Variants in PTPRK observed in about 807,000 individuals in gnomAD.
PTPRK encodes the protein receptor-type tyrosine-protein phosphatase kappa.
PTPRK carries 75 observed loss-of-function variants against 178.0 expected under a neutral mutation model. The ratio of observed to expected loss-of-function variants is 0.42; its 90% CI spans 0.35 to 0.51. The LOEUF (loss-of-function observed/expected upper bound fraction) is 0.51, where lower values mean the gene tolerates loss of function less well. Ranked by LOEUF, PTPRK falls within the 20% of genes least tolerant of loss-of-function variation. The pLI, the probability that PTPRK is intolerant of heterozygous loss-of-function variation, is 0.02. For missense variants in PTPRK, 1,441 were observed against 1,797.8 expected (o/e 0.80, Z 3.59); for synonymous variants, 637 against 620.6 (o/e 1.03, Z -0.39).
chr6:128,393,355 C>G (rs1390672657), intron 2 of PTPRK, among the ~76,000 whole-genome samples: 1 of 152,108 alleles, frequency 6.6e-6, no homozygotes, highest in African/African-American at 2.4e-5. Context: ...TTCCAAAGTG[C>G]TGGGATTACA....
At chr6:128,127,272 T>C (rs528080695) in intron 7 of PTPRK, among the ~76,000 whole-genome samples, 3 of 152,342 alleles carry the variant, frequency 2.0e-5, no homozygotes, top group East Asian at 1.9e-4. Context: ...TTTGCTATTA[T>C]AGGTCTTTTG....
chr6:127,996,728 C>T (rs1001473029), intron 17 of PTPRK, among the ~76,000 whole-genome samples, 173 bp downstream of exon 17: 1 of 152,116 alleles, frequency 6.6e-6, no homozygotes, highest in African/African-American at 2.4e-5. Context: ...GCCTTGGCCT[C>T]CCAAAGTGCT....
rs781253855 is a variant in PTPRK, at chr6:127,992,730, A to C, written c.2845-21T>G. ...TAGCCCTAAAATAAGAGAACAAATTAGTTATCATTTTACATCAATATCAGA... is the reference window on the plus strand; with the variant it reads ...TAGCCCTAAAATAAGAGAACAAATTCGTTATCATTTTACATCAATATCAGA... On this transcript the variant is annotated intron_variant, in intron 18 of 29. Coordinates refer to ENST00000368226, the MANE Select transcript of PTPRK (RefSeq NM_002844.4). The C allele has an allele frequency of 3.2e-6, 5 of 1,558,362 alleles. No homozygotes were observed. In the South Asian group the frequency reaches 6.1e-5, roughly 19 times the overall value.
chr6:128,377,542 T>C (rs922943694), intron 2 of PTPRK, among the ~76,000 whole-genome samples: 1 of 152,112 alleles, frequency 6.6e-6, no homozygotes, highest in African/African-American at 2.4e-5. Context: ...TAAATATATA[T>C]TTGTTAAATG....
At chr6:127,975,358 A>G (rs1293249564) in intron 27 of PTPRK, among the ~76,000 whole-genome samples, 1 of 152,194 alleles carries the variant, frequency 6.6e-6, no homozygotes, top group Non-Finnish European at 1.5e-5. Context: ...TAAGATATGC[A>G]TGAATATTAT....
chr6:128,420,036 T>G (rs1481547788), intron 1 of PTPRK, among the ~76,000 whole-genome samples: 1 of 152,218 alleles, frequency 6.6e-6, no homozygotes, highest in Non-Finnish European at 1.5e-5. Flanking sequence ...TAATCATGCG[T>G]AACACTGAAT....
At chr6:128,287,119 C>G (rs972021188) in intron 3 of PTPRK, among the ~76,000 whole-genome samples, 1 of 152,128 alleles carries the variant, frequency 6.6e-6, no homozygotes, top group African/African-American at 2.4e-5. Flanking sequence ...CAATGTCTCA[C>G]TGCCTCAGCT....
chr6:128,081,736 A>T (rs374040670), intron 10 of PTPRK, among the ~76,000 whole-genome samples: 1 of 152,034 alleles, frequency 6.6e-6, no homozygotes, highest in East Asian at 1.9e-4. Flanking sequence ...AAGAAAAAAC[A>T]TTATATAAAC....
Position 127,970,155 on chromosome 6 carries a change from C to T in PTPRK, c.*72G>A. ...TTAAAATCTTTCTGCACAAGTGTAA[C>T]AGGTACAACAGCTGCTGGCTCAATA... On this transcript the variant is annotated 3_prime_UTR_variant, in exon 30 of 30. Transcript: ENST00000368226. 1 of 1,238,550 alleles carries T rather than the reference C, an allele frequency of 8.1e-7. No individual in the cohort carries two copies. Among genetic ancestry groups the T allele is most frequent in the Non-Finnish European group, 1.2e-6 (1 of 865,946 alleles). The allele number at this position is 1,238,550 out of a possible 1,614,324, so 76.7% of individuals were successfully genotyped here. A position where few individuals can be genotyped will look rare whatever the true frequency, so the allele number is the denominator to read the frequency against.
At chr6:127,993,634 C>A (rs949720087) in intron 18 of PTPRK, among the ~76,000 whole-genome samples, 6 of 151,386 alleles carry the variant, frequency 4.0e-5, no homozygotes, top group African/African-American at 1.5e-4. Context: ...TACGTTATTG[C>A]AAATTTGGAA....
chr6:128,348,065 T>A (rs979929799), intron 2 of PTPRK, among the ~76,000 whole-genome samples: 14 of 152,032 alleles, frequency 9.2e-5, no homozygotes, highest in Non-Finnish European at 1.9e-4. Flanking sequence ...ATTGTAGCTT[T>A]GACACAACAC....
intron 15 of PTPRK, chr6:128,000,159 C>A: frequency 2.1e-6 from 2 of 966,566 alleles, no homozygotes; most frequent in Non-Finnish European, 2.5e-6. Flanking sequence ...AGAGAAAATA[C>A]ACTCTTAGGG....
At chr6:128,226,796 A>ATATATATATATG (rs1244431323) in intron 5 of PTPRK, among the ~76,000 whole-genome samples, 27 of 128,780 alleles carry the variant, frequency 2.1e-4, no homozygotes, top group African/African-American at 7.5e-4. Context: ...ATATATATAT[A>ATATATATATATG]TATTTCAATA....
chr6:128,000,623 G>T (rs1408377946), intron 15 of PTPRK, among the ~76,000 whole-genome samples: 1 of 151,960 alleles, frequency 6.6e-6, no homozygotes, highest in Non-Finnish European at 1.5e-5. Context: ...AAAGTCAATG[G>T]ATCTACTTCT....
At chr6:128,183,889 G>A (rs551364335) in intron 7 of PTPRK, among the ~76,000 whole-genome samples, 2 of 152,238 alleles carry the variant, frequency 1.3e-5, no homozygotes, top group African/African-American at 4.8e-5. Flanking sequence ...AAAGTGTAAG[G>A]AAAATCTCTC....
At chr6:128,337,975 A>G (rs1831174028) in intron 2 of PTPRK, among the ~76,000 whole-genome samples, 1 of 152,174 alleles carries the variant, frequency 6.6e-6, no homozygotes, top group Non-Finnish European at 1.5e-5. Flanking sequence ...AGAGGAGAAA[A>G]TGGGGAAGAT....
At chr6:128,042,775 A>C (rs1777412201) in intron 13 of PTPRK, among the ~76,000 whole-genome samples, 1 of 152,066 alleles carries the variant, frequency 6.6e-6, no homozygotes, top group Non-Finnish European at 1.5e-5. Context: ...CCCAACCAAG[A>C]ATTATCATGA....
chr6:128,113,352 C>T (rs1402025902), intron 7 of PTPRK, among the ~76,000 whole-genome samples: 1 of 149,968 alleles, frequency 6.7e-6, no homozygotes, highest in Non-Finnish European at 1.5e-5. Context: ...CTAATATAAG[C>T]ATGTATTATA....
chr6:128,066,735 T>TAAATAAATAAAA (rs1252962740), intron 12 of PTPRK, among the ~76,000 whole-genome samples: 2 of 147,506 alleles, frequency 1.4e-5, no homozygotes, highest in African/African-American at 5.2e-5. Flanking sequence ...AATAAATAAA[T>TAAATAAATAAAA]AAAAATAAGT....
Sources: gnomAD v4.1 joint callset for allele counts (sites outside exome capture counted in the v4.1 genomes callset) on GRCh38, gnomAD v4.1.1 for gene constraint, MANE v1.5 for transcripts, NCBI Gene and HGNC (gene_info 2026-07-23, HGNC 2026-07-21) for gene names.